The following CSMD1 variants were observed in gnomAD, a reference collection of about 807,000 sequenced individuals.
CSMD1 encodes the protein CUB and sushi domain-containing protein 1.
In CSMD1, 213 loss-of-function variants were observed where a neutral mutation model predicts 417.5. The observed-to-expected ratio is 0.51, with a 90% CI of 0.46 to 0.57. The LOEUF is 0.57. Among genes scored for constraint, CSMD1 ranks in the 20% least tolerant of loss-of-function variants. CSMD1 has a pLI of 0.00. For missense variants in CSMD1, 6,923 were observed against 4,529.7 expected, an observed-to-expected ratio of 1.53 and a Z score of -15.17; for synonymous variants, 2,862 against 1,736.8, an observed-to-expected ratio of 1.65 and a Z score of -16.11.
At chr8:3,556,329 C>T (rs1355849103) in intron 10 of CSMD1, among the ~76,000 whole-genome samples, 1 of 147,154 alleles carries the variant, frequency 6.8e-6, no homozygotes, top group Admixed American at 6.8e-5. Flanking sequence ...TCTACTATGT[C>T]CATGAGTTCA....
At chr8:3,991,814 C>T (rs1415152787) in intron 5 of CSMD1, among the ~76,000 whole-genome samples, 2 of 152,152 alleles carry the variant, frequency 1.3e-5, no homozygotes, top group Non-Finnish European at 2.9e-5. Flanking sequence ...AGTCTCCACA[C>T]TGCCTCTTTG....
At chr8:4,392,622 G>C (rs1314487601) in intron 3 of CSMD1, among the ~76,000 whole-genome samples, 1 of 151,604 alleles carries the variant, frequency 6.6e-6, no homozygotes, top group African/African-American at 2.4e-5. Context: ...TATGAGAAAA[G>C]AGCAGGGGTT....
At chr8:3,333,151 A>T (rs561894540) in intron 23 of CSMD1, among the ~76,000 whole-genome samples, 14 of 152,128 alleles carry the variant, frequency 9.2e-5, no homozygotes, top group Non-Finnish European at 1.9e-4. Context: ...AGTTCTGCTG[A>T]CAGCCTGAAG....
intron 17 of CSMD1, among the ~76,000 whole-genome samples, chr8:3,394,290 ATAT>A (rs1205099185): frequency 6.8e-6 from 1 of 148,062 alleles, no homozygotes; most frequent in Non-Finnish European, 1.5e-5. Flanking sequence ...TAATAATAAA[ATAT>A]TATTATTATA....
intron 6 of CSMD1, among the ~76,000 whole-genome samples, chr8:3,714,397 T>C (rs1234027993): frequency 6.6e-6 from 1 of 150,576 alleles, no homozygotes; most frequent in Non-Finnish European, 1.5e-5. Flanking sequence ...TTCCATCATA[T>C]ATATTAACTT....
At chr8:2,995,160 A>G (rs1271990517) in intron 54 of CSMD1, among the ~76,000 whole-genome samples, 14 of 152,242 alleles carry the variant, frequency 9.2e-5, no homozygotes, top group Non-Finnish European at 2.9e-5. Flanking sequence ...TGACTATTAC[A>G]CAGAATAAAG....
At chr8:4,527,136 G>C (rs147753547) in intron 2 of CSMD1, among the ~76,000 whole-genome samples, 1 of 152,098 alleles carries the variant, frequency 6.6e-6, no homozygotes, top group Non-Finnish European at 1.5e-5. Context: ...TATTTTTCAA[G>C]AAAGTTAAGT....
chr8:4,304,328 G>C (rs111762487), intron 3 of CSMD1, among the ~76,000 whole-genome samples: 1 of 152,168 alleles, frequency 6.6e-6, no homozygotes, highest in Admixed American at 6.5e-5. Flanking sequence ...TATTTTGTAT[G>C]TCAAACTGAT....
chr8:3,552,498 G>C (rs961464495), intron 10 of CSMD1, among the ~76,000 whole-genome samples: 4 of 152,112 alleles, frequency 2.6e-5, no homozygotes, highest in African/African-American at 9.7e-5. Flanking sequence ...TTCTATCTCA[G>C]AAAACATTGC....
chr8:3,942,428 T>C (rs1203880891), intron 5 of CSMD1, among the ~76,000 whole-genome samples: 4 of 152,118 alleles, frequency 2.6e-5, no homozygotes, highest in Admixed American at 1.3e-4. Context: ...ATTACATTTA[T>C]GGTACCTGAA....
chr8:3,361,986 G>C (rs1809216792), intron 20 of CSMD1, among the ~76,000 whole-genome samples: 1 of 152,054 alleles, frequency 6.6e-6, no homozygotes, highest in Non-Finnish European at 1.5e-5. Context: ...GTTCATCTTT[G>C]TCTAACACAA....
At chr8:4,104,238 G>T (rs1042199396) in intron 3 of CSMD1, among the ~76,000 whole-genome samples, 1 of 152,190 alleles carries the variant, frequency 6.6e-6, no homozygotes, top group Non-Finnish European at 1.5e-5. Flanking sequence ...TACACATAGA[G>T]ACATAGATAC....
At chr8:3,331,167 G>A (rs1264260106) in intron 23 of CSMD1, among the ~76,000 whole-genome samples, 1 of 151,434 alleles carries the variant, frequency 6.6e-6, no homozygotes, top group Non-Finnish European at 1.5e-5. Context: ...GAACCCGGGA[G>A]GTGGAGCTTG....
chr8:4,399,905 T>A (rs1192562728), intron 3 of CSMD1, among the ~76,000 whole-genome samples: 2 of 152,180 alleles, frequency 1.3e-5, no homozygotes, highest in East Asian at 1.9e-4. Context: ...TAAGCTCTCA[T>A]GAGAAGTAAA....
intron 12 of CSMD1, among the ~76,000 whole-genome samples, chr8:3,417,969 T>A (rs1233387088): frequency 2.0e-5 from 3 of 152,176 alleles, no homozygotes; most frequent in African/African-American, 7.2e-5. Context: ...TCCTTGTCCG[T>A]CACCATCAGT....
chr8:4,605,276 A>AAAGAAGAAG (rs138082067), intron 2 of CSMD1, among the ~76,000 whole-genome samples: 13 of 151,894 alleles, frequency 8.6e-5, no homozygotes, highest in African/African-American at 3.1e-4. Context: ...TTTAAGAAAA[A>AAAGAAGAAG]AAGAAGAAGA....
intron 3 of CSMD1, among the ~76,000 whole-genome samples, chr8:4,405,473 G>C (rs998523262): frequency 9.9e-5 from 15 of 152,058 alleles, no homozygotes; most frequent in Non-Finnish European, 1.8e-4. Flanking sequence ...AGTTGTGTTT[G>C]AAAGAGTGAA....
intron 3 of CSMD1, among the ~76,000 whole-genome samples, chr8:4,204,742 CCTCCCAGCCTCAAT>C (rs1224146228): frequency 1.3e-5 from 2 of 152,168 alleles, no homozygotes; most frequent in African/African-American, 2.4e-5. Context: ...GCAGCCTCAA[CCTCCCAGCCTCAAT>C]CAATCCTCCT....
chr8:3,787,424 T>G (rs1454235798), intron 5 of CSMD1, among the ~76,000 whole-genome samples: 5 of 152,144 alleles, frequency 3.3e-5, no homozygotes, highest in South Asian at 2.1e-4. Flanking sequence ...ATTCATGAAT[T>G]TCAATTCATT....
Sources: allele counts gnomAD v4.1 joint callset (sites outside exome capture counted in the v4.1 genomes callset), GRCh38; gene constraint gnomAD v4.1.1; transcripts MANE v1.5; gene names NCBI Gene and HGNC (gene_info 2026-07-23, HGNC 2026-07-21).